The following BRD10 variants were observed in gnomAD, a reference collection of about 807,000 sequenced individuals.
BRD10 encodes uncharacterized bromodomain-containing protein 10.
At chr9:5,921,985 A>C in the BRD10 span, 1 of 1,613,994 alleles carries the variant, frequency 6.2e-7, no homozygotes, top group East Asian at 2.2e-5. Context: ...TAGTTGTTCC[A>C]GCTACAGGTG....
the BRD10 span, among the ~76,000 whole-genome samples, chr9:5,892,965 C>T: frequency 6.6e-6 from 1 of 152,140 alleles, no homozygotes; most frequent in African/African-American, 2.4e-5. Context: ...GGATGACGGG[C>T]AGGTGTGTGT....
chr9:5,924,061 G>GA, the BRD10 span, among the ~76,000 whole-genome samples: 5 of 152,034 alleles, frequency 3.3e-5, no homozygotes, highest in African/African-American at 9.7e-5. Flanking sequence ...GGTAATTCCT[G>GA]AAAAAATAAT....
chr9:5,926,441 G>T, the BRD10 span, among the ~76,000 whole-genome samples: 1 of 152,112 alleles, frequency 6.6e-6, no homozygotes, highest in Non-Finnish European at 1.5e-5. Flanking sequence ...CTGAGTAGCT[G>T]GGACCACAGG....
At chr9:5,959,417 A>G in the BRD10 span, among the ~76,000 whole-genome samples, 1 of 152,340 alleles carries the variant, frequency 6.6e-6, no homozygotes, top group Non-Finnish European at 1.5e-5. Context: ...AATGGGGAAT[A>G]ATAGTAATAT....
the BRD10 span, among the ~76,000 whole-genome samples, chr9:5,938,953 T>C: frequency 7.9e-5 from 12 of 152,152 alleles, no homozygotes; most frequent in African/African-American, 2.9e-4. Flanking sequence ...TACTTAAATC[T>C]CCTTATACTG....
chr9:5,925,017 G>C, the BRD10 span, among the ~76,000 whole-genome samples: 1 of 152,098 alleles, frequency 6.6e-6, no homozygotes, highest in African/African-American at 2.4e-5. Context: ...CAATGCTCAG[G>C]AAGACAGAAC....
At chr9:5,977,618 T>A in the BRD10 span, among the ~76,000 whole-genome samples, 6 of 152,096 alleles carry the variant, frequency 3.9e-5, no homozygotes, top group Non-Finnish European at 7.4e-5. Context: ...GAGGCTGAGG[T>A]GGGCAGATCA....
At chr9:5,987,733 A>T in the BRD10 span, among the ~76,000 whole-genome samples, 1 of 152,220 alleles carries the variant, frequency 6.6e-6, no homozygotes, top group Non-Finnish European at 1.5e-5. Context: ...TTGATTTAGT[A>T]CTATAAAAAT....
chr9:5,958,381 C>T, the BRD10 span, among the ~76,000 whole-genome samples: 1 of 152,098 alleles, frequency 6.6e-6, no homozygotes, highest in Non-Finnish European at 1.5e-5. Flanking sequence ...CTTTCAGTTC[C>T]CCTTTCTCAG....
At chr9:5,933,380 T>A in the BRD10 span, among the ~76,000 whole-genome samples, 3 of 152,230 alleles carry the variant, frequency 2.0e-5, no homozygotes, top group Non-Finnish European at 4.4e-5. Context: ...AACAAAAGTA[T>A]GAATTTCAAG....
At chr9:5,966,455 C>CTTTTTTTTTT in the BRD10 span, among the ~76,000 whole-genome samples, 14 of 83,776 alleles carry the variant, frequency 1.7e-4, no homozygotes, top group Admixed American at 3.6e-4. Flanking sequence ...CTAACATTTC[C>CTTTTTTTTTT]TTTTTTTTTT....
At chr9:5,933,751 C>T in the BRD10 span, 16 of 469,990 alleles carry the variant, frequency 3.4e-5, no homozygotes, top group South Asian at 2.5e-4. Flanking sequence ...GGAAACTTAC[C>T]TCACAACTAA....
At chr9:5,985,211 A>G in the BRD10 span, among the ~76,000 whole-genome samples, 1 of 152,316 alleles carries the variant, frequency 6.6e-6, no homozygotes, top group South Asian at 2.1e-4. Context: ...CCATATGGAA[A>G]AAAGTAAAGT....
the BRD10 span, among the ~76,000 whole-genome samples, chr9:5,923,922 A>G: frequency 6.6e-6 from 1 of 152,160 alleles, no homozygotes; most frequent in Non-Finnish European, 1.5e-5. Flanking sequence ...ACATAACCAA[A>G]GAAAGTCATT....
At chr9:5,970,819 G>C in the BRD10 span, among the ~76,000 whole-genome samples, 1 of 152,144 alleles carries the variant, frequency 6.6e-6, no homozygotes, top group Non-Finnish European at 1.5e-5. Context: ...GGGAGGCTGA[G>C]GCGAGTGGAT....
chr9:5,985,870 G>A, the BRD10 span, among the ~76,000 whole-genome samples: 2 of 151,964 alleles, frequency 1.3e-5, no homozygotes, highest in South Asian at 4.1e-4. Context: ...TTAAGATGGG[G>A]TATCTTCTAT....
At chr9:5,879,116 A>G in the BRD10 span, among the ~76,000 whole-genome samples, 2 of 152,212 alleles carry the variant, frequency 1.3e-5, no homozygotes, top group Non-Finnish European at 2.9e-5. Flanking sequence ...GAAATATTAC[A>G]AAGACTTTGC....
the BRD10 span, among the ~76,000 whole-genome samples, chr9:5,901,380 G>A: frequency 6.6e-6 from 1 of 152,130 alleles, no homozygotes; most frequent in Non-Finnish European, 1.5e-5. Flanking sequence ...ACTTGAGTAA[G>A]TTTCCCTTTA....
chr9:5,988,662 T>A, the BRD10 span: 1 of 700,934 alleles, frequency 1.4e-6, no homozygotes, highest in African/African-American at 1.8e-5. Context: ...TAAACCTTAC[T>A]TACTTAGCTT....
Sources: gnomAD v4.1 joint callset for allele counts (sites outside exome capture counted in the v4.1 genomes callset) on GRCh38, gnomAD v4.1.1 for gene constraint, MANE v1.5 for transcripts, NCBI Gene and HGNC (gene_info 2026-07-23, HGNC 2026-07-21) for gene names.